The following OR3A2 variants were observed in gnomAD, a reference collection of about 807,000 sequenced individuals.
OR3A2 encodes the protein olfactory receptor 3A2.
For missense variants in OR3A2, 318 were observed against 392.8 expected (o/e 0.81, Z 1.61); for synonymous variants, 126 against 159.3 (o/e 0.79, Z 1.57).
chr17:3,360,080 CTGT>C (rs1245657859), intron 2 of OR3A2, among the ~76,000 whole-genome samples: 33 of 151,790 alleles, frequency 2.2e-4, no homozygotes, highest in Non-Finnish European at 5.9e-5. Flanking sequence ...TCTCCAGCAC[CTGT>C]TGTTTCCTGA....
intron 2 of OR3A2, among the ~76,000 whole-genome samples, chr17:3,372,902 G>GGAGAGGGA (rs1555530498): frequency 2.0e-5 from 3 of 146,420 alleles, no homozygotes; most frequent in African/African-American, 7.8e-5. Context: ...AGAGGGAGAG[G>GGAGAGGGA]GAGAGGGCTC....
intron 2 of OR3A2, among the ~76,000 whole-genome samples, chr17:3,336,680 A>G (rs894309818): frequency 1.3e-5 from 2 of 152,184 alleles, no homozygotes; most frequent in Non-Finnish European, 2.9e-5. Context: ...CAAATCTTAC[A>G]CTGTCTGGGT....
At chr17:3,300,912 A>G (rs930173882) in intron 3 of OR3A2, among the ~76,000 whole-genome samples, 2 of 144,788 alleles carry the variant, frequency 1.4e-5, no homozygotes, top group African/African-American at 2.6e-5. Context: ...TCATTGTTCA[A>G]TTCCCACCTA....
At chr17:3,334,687 A>G (rs929220004) in intron 3 of OR3A2, among the ~76,000 whole-genome samples, 1 of 152,296 alleles carries the variant, frequency 6.6e-6, no homozygotes, top group East Asian at 1.9e-4. Context: ...GGTTAAATTT[A>G]TAGATTGATT....
intron 2 of OR3A2, among the ~76,000 whole-genome samples, chr17:3,363,709 T>C (rs572250004): frequency 3.9e-5 from 6 of 152,330 alleles, no homozygotes; most frequent in Admixed American, 3.3e-4. Context: ...TTCACACTGC[T>C]ATAAAGAACT....
chr17:3,282,007 G>C (rs772879673), intron 1 of OR3A2, among the ~76,000 whole-genome samples: 1 of 152,198 alleles, frequency 6.6e-6, no homozygotes, highest in Non-Finnish European at 1.5e-5. Flanking sequence ...TGGGAGGCAT[G>C]ATGATGGCTT....
Position 3,358,557 on chromosome 17 carries a change from GTTGT to G in OR3A2, c.-178-22435_-178-22432del, listed in dbSNP as rs1475496894. Among the ~76,000 whole-genome samples the G allele has an allele frequency of 4.6e-5, 7 of 151,640 alleles. 1 individual carries two copies. Among genetic ancestry groups the G allele is most frequent in the African/African-American group, 1.7e-4 (7 of 40,978 alleles). On this transcript the variant is annotated intron_variant, in intron 2 of 4. Coordinates refer to the OR3A2 transcript ENST00000573491. ...TTATTCAAAAGTCATTCAGGAGCAT[GTTGT>G]TTAATTTCCATGTAATTGCATGGTT...
At chr17:3,321,706 A>T (rs2049123809) in intron 3 of OR3A2, among the ~76,000 whole-genome samples, 1 of 152,242 alleles carries the variant, frequency 6.6e-6, no homozygotes, top group South Asian at 2.1e-4. Context: ...ATGTTGAACC[A>T]GCCTTGCATC....
At chr17:3,370,627 C>T (rs1024206077) in intron 2 of OR3A2, among the ~76,000 whole-genome samples, 5 of 109,758 alleles carry the variant, frequency 4.6e-5, no homozygotes, top group Middle Eastern at 4.4e-3. Flanking sequence ...TCTATTTGTT[C>T]TTTCGGATTT....
chr17:3,362,201 C>T (rs952739215), intron 2 of OR3A2, among the ~76,000 whole-genome samples: 5 of 151,750 alleles, frequency 3.3e-5, no homozygotes, highest in East Asian at 1.9e-4. Context: ...AGTTTATTTG[C>T]GTAGAGATGT....
chr17:3,310,892 T>C lies in OR3A2; in HGVS notation c.-85+25141A>G, dbSNP rs919008782. On this transcript the variant is annotated intron_variant, in intron 3 of 4. Coordinates refer to the OR3A2 transcript ENST00000573491. ...AGCCCTTCCAGCTCTCCTGCTCCAGTGTTCATCTCAATGGGCAGTTGCTGT... is the reference window on the plus strand; with the variant it reads ...AGCCCTTCCAGCTCTCCTGCTCCAGCGTTCATCTCAATGGGCAGTTGCTGT... The C allele has an allele frequency of 3.6e-6, 3 of 837,260 alleles. No homozygotes were observed. The South Asian group carries it at 3.9e-5, about 11-fold the overall frequency. The allele number at this position is 837,260 out of a possible 1,614,324, so 51.9% of individuals were successfully genotyped here.
intron 2 of OR3A2, among the ~76,000 whole-genome samples, chr17:3,378,676 G>A (rs1019128933): frequency 1.3e-5 from 2 of 152,176 alleles, no homozygotes; most frequent in Non-Finnish European, 2.9e-5. Flanking sequence ...AGCTGCTCCA[G>A]ATGGGCCACC....
At chr17:3,298,118 A>G (rs2150624901) in intron 3 of OR3A2, among the ~76,000 whole-genome samples, 1 of 152,304 alleles carries the variant, frequency 6.6e-6, no homozygotes, top group Non-Finnish European at 1.5e-5. Context: ...GAATTTGGCA[A>G]TTAGGAATGG....
intron 2 of OR3A2, among the ~76,000 whole-genome samples, chr17:3,373,366 C>G (rs2049650004): frequency 1.3e-5 from 2 of 152,156 alleles, no homozygotes; most frequent in Admixed American, 1.3e-4. Flanking sequence ...GTCTTGATGA[C>G]CTGTCTAGTG....
At chr17:3,379,783 C>T (rs1030619018) in intron 2 of OR3A2, among the ~76,000 whole-genome samples, 1 of 152,208 alleles carries the variant, frequency 6.6e-6, no homozygotes, top group African/African-American at 2.4e-5. Context: ...CCTCACATGC[C>T]ATCCTGCATA....
intron 2 of OR3A2, among the ~76,000 whole-genome samples, chr17:3,370,631 C>T (rs1200835524): frequency 5.5e-5 from 5 of 91,602 alleles, no homozygotes; most frequent in East Asian, 2.0e-3. Context: ...TTTGTTCTTT[C>T]GGATTTTTTT....
At chr17:3,357,105 T>A (rs1476839134) in intron 2 of OR3A2, among the ~76,000 whole-genome samples, 1 of 151,794 alleles carries the variant, frequency 6.6e-6, no homozygotes, top group Non-Finnish European at 1.5e-5. Context: ...TTGTTTACAG[T>A]CATGTATATA....
In OR3A2 at chr17:3,305,496, C is replaced by T. The variant is rs960060762; in HGVS notation, c.-84-26343G>A. Among the ~76,000 whole-genome samples, 3 of 152,046 alleles carry T rather than the reference C, an allele frequency of 2.0e-5. No homozygotes were observed. In the East Asian group the frequency reaches 5.8e-4, roughly 29 times the overall value. ...GAATGTAGAGTATCAATGGAAGAGA[C>T]GAGATCCTTGCACAAATTAGGGAGG... On this transcript the variant is annotated intron_variant, in intron 3 of 4. Coordinates refer to the OR3A2 transcript ENST00000573491.
At chr17:3,315,438 G>A (rs2049073767) in intron 3 of OR3A2, among the ~76,000 whole-genome samples, 2 of 152,206 alleles carry the variant, frequency 1.3e-5, no homozygotes, top group Non-Finnish European at 2.9e-5. Flanking sequence ...CTGATGATTA[G>A]TGATGCTGAG....
Sources: allele counts gnomAD v4.1 joint callset (sites outside exome capture counted in the v4.1 genomes callset), GRCh38; gene constraint gnomAD v4.1.1; transcripts MANE v1.5; gene names NCBI Gene and HGNC (gene_info 2026-07-23, HGNC 2026-07-21).